NMBR: variants seen among roughly 807,000 people sequenced by gnomAD.
NMBR encodes neuromedin-B receptor.
A neutral mutation model predicts 20.5 loss-of-function variants in NMBR; 16 were observed. The ratio of observed to expected loss-of-function variants is 0.78; its 90% CI spans 0.53 to 1.19. NMBR has a LOEUF of 1.19. Among genes scored for constraint, NMBR ranks in the 50% most tolerant of loss-of-function variants. The pLI is 0.00. For missense variants in NMBR, 582 were observed against 499.1 expected (o/e 1.17, Z -1.58); for synonymous variants, 212 against 196.6 (o/e 1.08, Z -0.65).
intron 1 of NMBR, among the ~76,000 whole-genome samples, chr6:142,112,724 A>G (rs1163935143): frequency 1.3e-5 from 2 of 152,226 alleles, no homozygotes; most frequent in African/African-American, 2.4e-5. Context: ...ACCAAATCAA[A>G]GTAACAAAAG....
At chr6:142,121,269 A>G (rs904586116) in intron 1 of NMBR, among the ~76,000 whole-genome samples, 2 of 151,918 alleles carry the variant, frequency 1.3e-5, no homozygotes, top group African/African-American at 4.8e-5. Flanking sequence ...CTAAGACTGA[A>G]CAATATTGAA....
intron 1 of NMBR, among the ~76,000 whole-genome samples, chr6:142,126,927 C>T (rs1167479341): frequency 6.6e-6 from 1 of 150,672 alleles, no homozygotes; most frequent in East Asian, 2.0e-4. Context: ...TTTTGAAGGC[C>T]TTTTACTTTT....
intron 2 of NMBR, among the ~76,000 whole-genome samples, chr6:142,087,111 A>G (rs1274324728): frequency 1.3e-5 from 2 of 152,188 alleles, no homozygotes; most frequent in Non-Finnish European, 2.9e-5. Flanking sequence ...TAAGAAAGTG[A>G]ATCATTTTCA....
intron 1 of NMBR, among the ~76,000 whole-genome samples, chr6:142,100,809 G>A (rs1777545975): frequency 6.6e-6 from 1 of 152,200 alleles, no homozygotes; most frequent in Non-Finnish European, 1.5e-5. Flanking sequence ...AGAGGGTATA[G>A]GAGACATAAC....
At chr6:142,081,802 A>C (rs1381929513) in intron 2 of NMBR, among the ~76,000 whole-genome samples, 1 of 152,226 alleles carries the variant, frequency 6.6e-6, no homozygotes, top group Non-Finnish European at 1.5e-5. Context: ...GTATATTAGC[A>C]TAGCAGGTAT....
chr6:142,078,890 C>CGA lies in NMBR; in HGVS notation c.434_435dup (p.Val146SerfsTer18). On this transcript the variant is annotated frameshift_variant, in exon 3 of 4. Transcript: ENST00000258042. LOFTEE classifies it high-confidence loss of function. ...GACGTCTGCATGTCCATGGGGTTAA[C>CGA]GATGGCTCTGTACCTGGGAAAATGA... is the stretch of plus-strand genomic sequence containing the variant. 6.2e-7 allele frequency: 1 copy of CGA among 1,609,534 alleles called. No individual in the cohort carries two copies. Among genetic ancestry groups the CGA allele is most frequent in the Non-Finnish European group, 8.5e-7 (1 of 1,178,268 alleles).
At chr6:142,111,010 C>T (rs574881412) in intron 1 of NMBR, among the ~76,000 whole-genome samples, 1 of 152,030 alleles carries the variant, frequency 6.6e-6, no homozygotes, top group Non-Finnish European at 1.5e-5. Flanking sequence ...GAGGCCAAGG[C>T]GCATGGATCA....
At chr6:142,142,647 C>A (rs914961284) in intron 1 of NMBR, among the ~76,000 whole-genome samples, 2 of 151,304 alleles carry the variant, frequency 1.3e-5, no homozygotes, top group Admixed American at 1.3e-4. Context: ...TTCAATAAGA[C>A]AAAAACAAAA....
intron 1 of NMBR, among the ~76,000 whole-genome samples, chr6:142,118,695 G>A (rs1331724351): frequency 6.6e-6 from 1 of 151,980 alleles, no homozygotes; most frequent in Non-Finnish European, 1.5e-5. Flanking sequence ...GACGATAGAA[G>A]GTTGTGGTTA....
intron 1 of NMBR, among the ~76,000 whole-genome samples, chr6:142,110,923 A>AG (rs1777751428): frequency 1.3e-5 from 2 of 152,130 alleles, no homozygotes; most frequent in African/African-American, 2.4e-5. Flanking sequence ...GATCAAAATA[A>AG]AATCGAATTA....
chr6:142,088,639 G>A lies in NMBR; in HGVS notation c.20C>T (p.Ser7Phe), dbSNP rs752575905. 6.2e-7 allele frequency: 1 copy of A among 1,603,546 alleles called. No homozygotes were observed. Among genetic ancestry groups the A allele is most frequent in the Non-Finnish European group, 8.5e-7 (1 of 1,179,558 alleles). MPSKSL[S>F]NLSVTTGANE... ...CGCGCCGGTGGTCACCGAGAGGTTG[G>A]AAAGAGACTTAGAGGGCATGATCTC... The change falls in exon 2 of 4, where the codon TCC becomes TTC. Residue 7 changes from serine (S) to phenylalanine (F), a missense_variant. Physicochemically the swap from Ser to Phe is radical, Grantham distance 155. Transcript: ENST00000258042.
chr6:142,088,245 G>T lies in NMBR; in HGVS notation c.414C>A (p.Ser138Arg), dbSNP rs768819168. Residue 138 changes from serine to arginine, a missense_variant, in exon 2 of 4, where the codon AGC becomes AGA. Physicochemically the swap from Ser to Arg is moderately radical, Grantham distance 110. Coordinates refer to ENST00000258042, the MANE Select transcript of NMBR (RefSeq NM_002511.4). ...GCTACCTGTGCTCTTACCTGTCGGC[G>T]CTGAGGGCAGTGAGAGTGAACACGG... ...GVSVFTLTAL[S>R]ADRYRAIVNP... 1.7e-5 allele frequency: 28 copies of T among 1,610,890 alleles called. No individual in the cohort carries two copies. The highest frequency in any genetic ancestry group is 2.4e-5 in the Non-Finnish European group (28 of 1,179,782).
chr6:142,139,491 C>A (rs1290932636), intron 1 of NMBR, among the ~76,000 whole-genome samples: 1 of 152,186 alleles, frequency 6.6e-6, no homozygotes, highest in Non-Finnish European at 1.5e-5. Flanking sequence ...ATGCCCTTTG[C>A]AGATCTCTGG....
Position 142,119,106 on chromosome 6 carries a change from C to T in NMBR, c.-664+27938G>A, listed in dbSNP as rs148370942. Among the ~76,000 whole-genome samples the T allele has an allele frequency of 2.8e-3, 427 of 152,070 alleles. 4 individuals carry two copies. Among genetic ancestry groups the T allele is most frequent in the Middle Eastern group, 0.01 (3 of 294 alleles). On this transcript the variant is annotated intron_variant, in intron 1 of 3. Coordinates refer to ENST00000258042, the MANE Select transcript of NMBR (RefSeq NM_002511.4). ...TTCTGAATTGAGATGGGAGTAGGCT[C>T]TATAGCACCACATCAGCCAGTTACT...
At chr6:142,105,620 T>G (rs777993418) in intron 1 of NMBR, among the ~76,000 whole-genome samples, 8 of 152,192 alleles carry the variant, frequency 5.3e-5, no homozygotes, top group Non-Finnish European at 1.2e-4. Flanking sequence ...TATGCCTTTA[T>G]ATATTTTCTC....
At chr6:142,145,355 A>G (rs1778414372) in intron 1 of NMBR, among the ~76,000 whole-genome samples, 1 of 152,324 alleles carries the variant, frequency 6.6e-6, no homozygotes, top group African/African-American at 2.4e-5. Context: ...AAGACATCAT[A>G]GTCAAGTAGT....
chr6:142,108,809 C>T (rs955284550), intron 1 of NMBR, among the ~76,000 whole-genome samples: 2 of 152,136 alleles, frequency 1.3e-5, no homozygotes, highest in African/African-American at 2.4e-5. Context: ...AATAGTCCCC[C>T]AAATTCTTAG....
chr6:142,106,432 A>G (rs1345571630), intron 1 of NMBR, among the ~76,000 whole-genome samples: 2 of 152,182 alleles, frequency 1.3e-5, no homozygotes, highest in Non-Finnish European at 2.9e-5. Context: ...CAAGTTTCTA[A>G]TTATATTTAA....
At chr6:142,093,905 G>A (rs1418777068) in intron 1 of NMBR, among the ~76,000 whole-genome samples, 1 of 151,888 alleles carries the variant, frequency 6.6e-6, no homozygotes, top group Non-Finnish European at 1.5e-5. Flanking sequence ...GATGGCCAGT[G>A]ATGGTGAGCA....
Sources: gnomAD v4.1 joint callset for allele counts (sites outside exome capture counted in the v4.1 genomes callset) on GRCh38, gnomAD v4.1.1 for gene constraint, MANE v1.5 for transcripts, NCBI Gene and HGNC (gene_info 2026-07-23, HGNC 2026-07-21) for gene names.